The following EPHA6 variants were observed in gnomAD, a reference collection of about 807,000 sequenced individuals.
EPHA6 encodes the protein EPH receptor A6, also known as ephrin type-A receptor 6.
Under a neutral mutation model 112.0 loss-of-function variants are expected in EPHA6, and 50 were observed. The observed-to-expected ratio is 0.45, with a 90% CI of 0.36 to 0.56. The LOEUF (loss-of-function observed/expected upper bound fraction) is 0.56. EPHA6 is among the 20% of genes least tolerant of loss of function. The pLI is 0.00. For synonymous variants in EPHA6, 529 were observed against 490.7 expected (o/e 1.08, Z -1.03); for missense variants, 1,280 against 1,417.4 (o/e 0.90, Z 1.56).
chr3:97,725,397 G>C (rs764002013), intron 15 of EPHA6, among the ~76,000 whole-genome samples: 40 of 152,072 alleles, frequency 2.6e-4, no homozygotes, highest in Admixed American at 8.5e-4. Context: ...ACTTAGAGGT[G>C]GTCAGAGCAT....
intron 14 of EPHA6, among the ~76,000 whole-genome samples, chr3:97,644,940 G>A (rs1272516850): frequency 2.0e-5 from 3 of 151,892 alleles, no homozygotes; most frequent in African/African-American, 4.8e-5. Flanking sequence ...CATTTTATGA[G>A]GCCAGCATCA....
intron 13 of EPHA6, among the ~76,000 whole-genome samples, chr3:97,623,007 C>T (rs1006952377): frequency 6.6e-6 from 1 of 151,568 alleles, no homozygotes; most frequent in Non-Finnish European, 1.5e-5. Context: ...ATACTATTCC[C>T]TTAGGAGATA....
intron 3 of EPHA6, among the ~76,000 whole-genome samples, chr3:97,198,696 T>G (rs1468427249): frequency 6.6e-6 from 1 of 152,160 alleles, no homozygotes; most frequent in Non-Finnish European, 1.5e-5. Flanking sequence ...AAAAATTATC[T>G]TATTATTTCT....
chr3:97,296,289 CA>C (rs945868673), intron 5 of EPHA6, among the ~76,000 whole-genome samples: 140 of 152,158 alleles, frequency 9.2e-4, no homozygotes, highest in African/African-American at 3.2e-3. Flanking sequence ...GTGCAGATAC[CA>C]GCAGTGTTGG....
chr3:97,151,888 T>C (rs1322420054), intron 3 of EPHA6, among the ~76,000 whole-genome samples: 2 of 152,028 alleles, frequency 1.3e-5, no homozygotes, highest in African/African-American at 2.4e-5. Context: ...TGTATCGTAG[T>C]AATTATATAG....
chr3:97,605,158 A>G (rs1483944756), intron 12 of EPHA6, among the ~76,000 whole-genome samples: 1 of 151,518 alleles, frequency 6.6e-6, no homozygotes, highest in African/African-American at 2.4e-5. Flanking sequence ...AGAGTTTACA[A>G]TGGAGATGAT....
At chr3:97,000,175 A>G (rs147122547) in intron 3 of EPHA6, among the ~76,000 whole-genome samples, 138 of 151,796 alleles carry the variant, frequency 9.1e-4, no homozygotes, top group African/African-American at 3.2e-3. Context: ...CCTGTTACAC[A>G]TCACCTGTCC....
chr3:97,597,631 T>C (rs2093605798), intron 12 of EPHA6, among the ~76,000 whole-genome samples: 2 of 152,194 alleles, frequency 1.3e-5, no homozygotes, highest in Non-Finnish European at 2.9e-5. Context: ...GGACATACAG[T>C]CCTCAGCCAA....
intron 12 of EPHA6, among the ~76,000 whole-genome samples, chr3:97,607,189 A>C (rs1468964635): frequency 2.0e-5 from 3 of 150,162 alleles, no homozygotes. Context: ...TGAGGCAAAA[A>C]AAAAAAAAAA....
chr3:97,666,103 C>T (rs570834536), intron 14 of EPHA6, among the ~76,000 whole-genome samples: 1 of 151,850 alleles, frequency 6.6e-6, no homozygotes, highest in East Asian at 1.9e-4. Context: ...AATCATCTGA[C>T]GCCTTGCCTT....
At chr3:97,427,830 A>G (rs2089251407) in intron 6 of EPHA6, among the ~76,000 whole-genome samples, 1 of 152,006 alleles carries the variant, frequency 6.6e-6, no homozygotes, top group African/African-American at 2.4e-5. Flanking sequence ...AGAAAACCAA[A>G]TACTGCACGT....
intron 14 of EPHA6, among the ~76,000 whole-genome samples, chr3:97,709,945 C>T (rs570831966): frequency 4.5e-4 from 68 of 152,268 alleles, no homozygotes; most frequent in Non-Finnish European, 7.4e-4. Context: ...GTCAATTCAA[C>T]CCCTTTTGTT....
At chr3:97,561,302 C>A (rs1390439643) in intron 11 of EPHA6, among the ~76,000 whole-genome samples, 1 of 152,042 alleles carries the variant, frequency 6.6e-6, no homozygotes, top group East Asian at 1.9e-4. Flanking sequence ...TAAACTAAGC[C>A]TCTTGTGCCA....
At chr3:97,648,454 G>A in intron 14 of EPHA6, 2 of 1,314,188 alleles carry the variant, frequency 1.5e-6, no homozygotes, top group Non-Finnish European at 1.9e-6. Context: ...TTTAAAGTTG[G>A]GAGAGATTCT....
chr3:97,441,191 G>A (rs1413560562), intron 6 of EPHA6, among the ~76,000 whole-genome samples: 2 of 151,854 alleles, frequency 1.3e-5, no homozygotes, highest in African/African-American at 4.8e-5. Flanking sequence ...ATAAGTATAT[G>A]CTTAAAAATT....
chr3:96,904,537 A>G (rs138069456), intron 2 of EPHA6, among the ~76,000 whole-genome samples: 1,826 of 151,544 alleles, frequency 0.012, 31 homozygotes, highest in African/African-American at 0.04. Context: ...CAGCACACCA[A>G]CATGGCACAT....
chr3:97,006,807 C>T (rs1488720730), intron 3 of EPHA6, among the ~76,000 whole-genome samples: 1 of 152,156 alleles, frequency 6.6e-6, no homozygotes, highest in African/African-American at 2.4e-5. Flanking sequence ...TATGTCATCT[C>T]TTTGTTCTCA....
intron 4 of EPHA6, among the ~76,000 whole-genome samples, chr3:97,230,770 T>A (rs936608302): frequency 9.2e-5 from 14 of 152,160 alleles, no homozygotes; most frequent in Non-Finnish European, 5.9e-5. Flanking sequence ...CATCTTCAGC[T>A]GCAGCAAAGA....
At chr3:97,336,212 G>A (rs1252411169) in intron 5 of EPHA6, among the ~76,000 whole-genome samples, 3 of 152,124 alleles carry the variant, frequency 2.0e-5, no homozygotes, top group Non-Finnish European at 2.9e-5. Context: ...AGAAAGAGCT[G>A]TTATCAGCTT....
Sources: allele counts gnomAD v4.1 joint callset (sites outside exome capture counted in the v4.1 genomes callset), GRCh38; gene constraint gnomAD v4.1.1; transcripts MANE v1.5; gene names NCBI Gene and HGNC (gene_info 2026-07-23, HGNC 2026-07-21).